Variants in FAM228B observed in about 807,000 individuals in gnomAD.
FAM228B encodes the protein protein FAM228B.
A neutral mutation model predicts 42.6 loss-of-function variants in FAM228B; 38 were observed. The observed-to-expected ratio is 0.89, with a 90% CI of 0.69 to 1.17. The LOEUF is 1.17. Among genes scored for constraint, FAM228B ranks in the 50% most tolerant of loss-of-function variants. The pLI is 0.00. For missense variants in FAM228B, 344 were observed against 367.3 expected, an observed-to-expected ratio of 0.94 and a Z score of 0.52; for synonymous variants, 109 against 122.3, an observed-to-expected ratio of 0.89 and a Z score of 0.72.
At chr2:24,143,211 C>T (rs953143835) in intron 5 of FAM228B, among the ~76,000 whole-genome samples, 7 of 151,844 alleles carry the variant, frequency 4.6e-5, no homozygotes, top group South Asian at 4.2e-4. Context: ...GACAGAGTCT[C>T]GCTCTGTCAC....
At chr2:24,148,563 C>CT (rs952522907) in intron 7 of FAM228B, among the ~76,000 whole-genome samples, 10 of 150,880 alleles carry the variant, frequency 6.6e-5, no homozygotes, top group South Asian at 6.3e-4. Context: ...GTCTTGATAC[C>CT]TTTTTTTTTA....
At chr2:24,125,481 T>C (rs1436949072) in intron 2 of FAM228B, among the ~76,000 whole-genome samples, 2 of 152,214 alleles carry the variant, frequency 1.3e-5, no homozygotes, top group African/African-American at 4.8e-5. Context: ...CAAAGCTTCC[T>C]TAATATTCTG....
At chr2:24,082,360 G>A (rs1665043475) in intron 2 of FAM228B, among the ~76,000 whole-genome samples, 2 of 152,102 alleles carry the variant, frequency 1.3e-5, no homozygotes, top group South Asian at 4.1e-4. Flanking sequence ...CTTCCAAAAA[G>A]CCTTCTGACT....
intron 3 of FAM228B, among the ~76,000 whole-genome samples, chr2:24,136,753 G>A (rs1276121372): frequency 6.6e-6 from 1 of 152,128 alleles, no homozygotes; most frequent in African/African-American, 2.4e-5. Flanking sequence ...TTCAGTGTAT[G>A]CGATATAAAA....
At chr2:24,111,120 G>A (rs1210117638) in intron 3 of FAM228B, among the ~76,000 whole-genome samples, 1 of 151,980 alleles carries the variant, frequency 6.6e-6, no homozygotes, top group Non-Finnish European at 1.5e-5. Context: ...GAATATAGTG[G>A]CATGATCATA....
chr2:24,101,852 T>C (rs1340420840), intron 3 of FAM228B, among the ~76,000 whole-genome samples: 1 of 152,084 alleles, frequency 6.6e-6, no homozygotes, highest in East Asian at 1.9e-4. Context: ...CTGGCTAATT[T>C]TTTGTATTTT....
intron 7 of FAM228B, among the ~76,000 whole-genome samples, chr2:24,158,480 G>A (rs943644183): frequency 6.6e-5 from 10 of 152,112 alleles, no homozygotes; most frequent in Non-Finnish European, 1.5e-5. Context: ...AAAGAGTTGG[G>A]AGTTTATCAT....
intron 2 of FAM228B, among the ~76,000 whole-genome samples, chr2:24,134,458 A>G (rs914683138): frequency 3.3e-5 from 5 of 152,252 alleles, no homozygotes; most frequent in Non-Finnish European, 7.3e-5. Flanking sequence ...TGCATAGTCA[A>G]AAAGCCTCAA....
At chr2:24,159,967 G>C (rs916235474) in intron 7 of FAM228B, among the ~76,000 whole-genome samples, 2 of 151,460 alleles carry the variant, frequency 1.3e-5, no homozygotes, top group African/African-American at 4.8e-5. Flanking sequence ...CTGGTGTCTG[G>C]GTATGGGTTT....
chr2:24,106,316 C>CTT (rs386389714), intron 3 of FAM228B, among the ~76,000 whole-genome samples: 11,182 of 106,242 alleles, frequency 0.11, 900 homozygotes, highest in South Asian at 0.15. Context: ...ATTCAGCATT[C>CTT]TTTTTTTTTT....
chr2:24,101,894 G>C (rs538413793), intron 3 of FAM228B, among the ~76,000 whole-genome samples: 1 of 152,086 alleles, frequency 6.6e-6, no homozygotes, highest in Non-Finnish European at 1.5e-5. Flanking sequence ...GTGTTAGCCA[G>C]GATGGTCTCT....
intron 2 of FAM228B, among the ~76,000 whole-genome samples, chr2:24,083,591 G>T (rs1029039228): frequency 2.0e-5 from 3 of 152,170 alleles, no homozygotes; most frequent in Non-Finnish European, 4.4e-5. Context: ...CAAAGTACAC[G>T]TGCCTGGGCC....
chr2:24,124,840 G>A (rs928451905), intron 2 of FAM228B, among the ~76,000 whole-genome samples: 13 of 151,878 alleles, frequency 8.6e-5, no homozygotes, highest in Admixed American at 7.2e-4. Context: ...AAGTATAGGC[G>A]CACGCCACCA....
At chr2:24,146,574 C>T (rs1298924753) in intron 5 of FAM228B, among the ~76,000 whole-genome samples, 174 bp from the exon 6 acceptor site, 2 of 152,040 alleles carry the variant, frequency 1.3e-5, no homozygotes, top group African/African-American at 4.8e-5. Flanking sequence ...TTGATATACC[C>T]CCATCTCTTT....
At chr2:24,091,505 C>G (rs1466191277) in intron 2 of FAM228B, among the ~76,000 whole-genome samples, 1 of 152,122 alleles carries the variant, frequency 6.6e-6, no homozygotes, top group Non-Finnish European at 1.5e-5. Flanking sequence ...ATGAAGCAAA[C>G]ATTTTTGTTT....
intron 2 of FAM228B, among the ~76,000 whole-genome samples, chr2:24,129,208 G>A (rs1260289173): frequency 6.6e-6 from 1 of 151,938 alleles, no homozygotes; most frequent in Non-Finnish European, 1.5e-5. Context: ...CTCAATTCAG[G>A]CAGACAGTTG....
At chr2:24,087,040 A>G (rs1481814528) in intron 2 of FAM228B, among the ~76,000 whole-genome samples, 1 of 152,236 alleles carries the variant, frequency 6.6e-6, no homozygotes, top group East Asian at 1.9e-4. Flanking sequence ...AACTTTAAAA[A>G]AAATCTAATA....
intron 2 of FAM228B, among the ~76,000 whole-genome samples, chr2:24,133,956 G>A (rs1307929911): frequency 2.0e-5 from 3 of 152,118 alleles, no homozygotes; most frequent in African/African-American, 7.2e-5. Flanking sequence ...TTATTTGATA[G>A]CCATATTCAC....
chr2:24,141,939 C>T (rs540991901), intron 5 of FAM228B, among the ~76,000 whole-genome samples: 45 of 152,258 alleles, frequency 3.0e-4, no homozygotes, highest in African/African-American at 9.4e-4. Flanking sequence ...TTATTCCTTA[C>T]GGTCACATGC....
Sources: gnomAD v4.1 joint callset for allele counts (sites outside exome capture counted in the v4.1 genomes callset) on GRCh38, gnomAD v4.1.1 for gene constraint, MANE v1.5 for transcripts, NCBI Gene and HGNC (gene_info 2026-07-23, HGNC 2026-07-21) for gene names.